Variants in NDE1 observed in about 807,000 individuals in gnomAD.
NDE1 encodes nuclear distribution protein nudE homolog 1.
NDE1 carries 28 observed loss-of-function variants against 43.4 expected under a neutral mutation model. That is an observed-to-expected ratio of 0.65 (90% CI 0.48 to 0.89). NDE1 has a LOEUF of 0.89. Ranked by LOEUF, NDE1 falls within the 40% of genes least tolerant of loss-of-function variation. The pLI, the probability that NDE1 is intolerant of heterozygous loss-of-function variation, is 0.00. For missense variants in NDE1, 441 were observed against 434.1 expected, an observed-to-expected ratio of 1.02 and a Z score of -0.14; for synonymous variants, 184 against 172.0, an observed-to-expected ratio of 1.07 and a Z score of -0.55.
At chr16:15,691,396 T>C in intron 6 of NDE1, 73 bp downstream of exon 6, 1 of 1,520,352 alleles carries the variant, frequency 6.6e-7, no homozygotes, top group Non-Finnish European at 9.0e-7. Flanking sequence ...GGGTGGGTCC[T>C]GGGGGTGTGA....
intron 1 of NDE1, among the ~76,000 whole-genome samples, chr16:15,663,854 G>A (rs918307208): frequency 1.3e-5 from 2 of 151,972 alleles, no homozygotes; most frequent in African/African-American, 2.4e-5. Flanking sequence ...TTCACTTGAG[G>A]TCAGGAGTTT....
chr16:15,719,562 C>G (rs370703995), intron 8 of NDE1: 30 of 1,613,544 alleles, frequency 1.9e-5, no homozygotes, highest in Non-Finnish European at 2.2e-5. Context: ...ATCTGAGGCT[C>G]TCCTAGCAAG....
At chr16:15,700,031 A>G in intron 8 of NDE1, 1 of 1,182,748 alleles carries the variant, frequency 8.5e-7, no homozygotes, top group South Asian at 1.6e-5. Context: ...CTTACCTGCC[A>G]CCGTGTGCAT....
intron 6 of NDE1, among the ~76,000 whole-genome samples, chr16:15,692,954 G>C (rs925681474): frequency 6.6e-6 from 1 of 150,654 alleles, no homozygotes; most frequent in Non-Finnish European, 1.5e-5. Flanking sequence ...TTGGTAGAAT[G>C]TACCTCAGAT....
intron 3 of NDE1, among the ~76,000 whole-genome samples, chr16:15,670,677 GAAAAAGAA>G (rs934419027): frequency 6.5e-4 from 97 of 149,870 alleles, no homozygotes; most frequent in African/African-American, 2.4e-3. Context: ...AAAAAAGAAA[GAAAAAGAA>G]AGGACTGCAT....
Position 15,714,854 on chromosome 16 carries a change from C to CA in NDE1, c.948-9336dup, listed in dbSNP as rs974279803. Reference sequence around the variant, plus strand: ...GCAGGCCGAAAGGAGCCCGAGCCCCCAGTGCTTTTCTCTGGCCTGAGAGAC... The same window carrying CA: ...GCAGGCCGAAAGGAGCCCGAGCCCCCAAGTGCTTTTCTCTGGCCTGAGAGAC... On this transcript the variant is annotated intron_variant, in intron 8 of 8. Transcript: ENST00000396354. The CA allele has an allele frequency of 4.1e-5, 66 of 1,606,438 alleles. No individual in the cohort carries two copies. In the African/African-American group the frequency reaches 8.2e-4, roughly 20 times the overall value.
chr16:15,646,264 A>G (rs2036327230), upstream of NDE1, among the ~76,000 whole-genome samples: 1 of 152,190 alleles, frequency 6.6e-6, no homozygotes, highest in African/African-American at 2.4e-5. Context: ...AACGTCACAG[A>G]GTGGTTAGGG....
At chr16:15,721,683 G>A (rs371572720) in intron 8 of NDE1, 37 of 1,594,054 alleles carry the variant, frequency 2.3e-5, no homozygotes, top group Admixed American at 2.2e-4. Context: ...CGGGGTCAGC[G>A]TCACTGAATT....
In NDE1 at chr16:15,694,160, C is replaced by A. The variant is rs1215610493; in HGVS notation, c.704-5C>A. 2.5e-6 allele frequency: 4 copies of A among 1,612,150 alleles called. No individual in the cohort carries two copies. The highest frequency in any genetic ancestry group is 1.7e-5 in the Admixed American group (1 of 59,976). On this transcript the variant is annotated splice_polypyrimidine_tract_variant and splice_region_variant and intron_variant, in intron 6 of 8. Coordinates refer to ENST00000396354, the MANE Select transcript of NDE1 (RefSeq NM_017668.3). ...AGTTACATGCTCTTCCCTTTGCACA[C>A]CCAGGCCTGGACGACTCCACCGGGG...
intron 8 of NDE1, chr16:15,714,849 G>T: frequency 6.2e-7 from 1 of 1,600,980 alleles, no homozygotes; most frequent in Non-Finnish European, 8.5e-7. Context: ...AGGAGCCCGA[G>T]CCCCCAGTGC....
intron 1 of NDE1, among the ~76,000 whole-genome samples, chr16:15,659,204 G>C (rs1479957888): frequency 6.6e-6 from 1 of 152,068 alleles, no homozygotes. Context: ...CTCTGTCATT[G>C]GCTCAACATG....
At chr16:15,688,956 C>G (rs1350320389) in intron 5 of NDE1, among the ~76,000 whole-genome samples, 1 of 151,834 alleles carries the variant, frequency 6.6e-6, no homozygotes. Context: ...CCTCGGCCTC[C>G]CAAAGTGCTG....
At chr16:15,719,008 G>A (rs1229445697) in intron 8 of NDE1, 5 of 610,096 alleles carry the variant, frequency 8.2e-6, no homozygotes, top group Non-Finnish European at 1.2e-5. Context: ...CACACCTGTA[G>A]TCTCAGCTAC....
chr16:15,687,343 C>T (rs377417851), intron 4 of NDE1, 32 bp from the exon 5 acceptor site: 18 of 1,613,890 alleles, frequency 1.1e-5, no homozygotes, highest in East Asian at 2.2e-5. Context: ...GCGGTTTGTC[C>T]TCTTGGATAA....
chr16:15,714,808 C>G (rs2151191427), intron 8 of NDE1: 1 of 1,410,032 alleles, frequency 7.1e-7, no homozygotes, highest in East Asian at 2.3e-5. Context: ...GGAGTGGCGG[C>G]TGTGGGCACA....
At position 15,667,584 on chromosome 16, in the gene NDE1, G is replaced by A. The variant is rs2037371038; in HGVS notation, c.237+145G>A. On this transcript the variant is annotated intron_variant, in intron 3 of 8. Transcript: ENST00000396354. ...CTCTGGAAGGGCCTGTGCGGCAGACGTGATCTTTGAACTCTTTGTGCCTCT... is the reference window on the plus strand; with the variant it reads ...CTCTGGAAGGGCCTGTGCGGCAGACATGATCTTTGAACTCTTTGTGCCTCT... 7.5e-6 allele frequency: 7 copies of A among 928,708 alleles called. No homozygotes were observed. In the East Asian group the frequency reaches 1.3e-4, roughly 18 times the overall value. 57.5% of individuals were successfully genotyped at this position (928,708 alleles called of 1,614,324 possible).
At chr16:15,670,717 A>C (rs2037551455) in intron 3 of NDE1, among the ~76,000 whole-genome samples, 1 of 150,702 alleles carries the variant, frequency 6.6e-6, no homozygotes, top group Non-Finnish European at 1.5e-5. Context: ...GGCTGTGTGG[A>C]GGGTGTTTGT....
At position 15,700,786 on chromosome 16, in the gene NDE1, A is replaced by G. The variant is rs559862992; in HGVS notation, c.947+3926A>G. Among the ~76,000 whole-genome samples, 6 of 152,128 alleles carry G rather than the reference A, an allele frequency of 3.9e-5. No homozygotes were observed. In the East Asian group the frequency reaches 9.7e-4, roughly 25 times the overall value. The stretch of plus-strand genomic sequence containing the variant: ...CTTGACAGGTGTTTTTAATGTCCCA[A>G]GTCTCCGTAAATGTGGGATGGAGCT... On this transcript the variant is annotated intron_variant, in intron 8 of 8. Transcript: ENST00000396354.
chr16:15,677,661 GC>G, intron 3 of NDE1, 139 bp from the exon 4 acceptor site: 3 of 818,558 alleles, frequency 3.7e-6, no homozygotes. Context: ...ATAGCTCACT[GC>G]AGCCTCTAAC....
Sources: gnomAD v4.1 joint callset for allele counts (sites outside exome capture counted in the v4.1 genomes callset) on GRCh38, gnomAD v4.1.1 for gene constraint, MANE v1.5 for transcripts, NCBI Gene and HGNC (gene_info 2026-07-23, HGNC 2026-07-21) for gene names.